The following GBP7 variants were observed in gnomAD, a reference collection of about 807,000 sequenced individuals.
GBP7 encodes the protein guanylate-binding protein 7.
In GBP7, 43 loss-of-function variants were observed where a neutral mutation model predicts 61.3. That is an observed-to-expected ratio of 0.70 (90% CI 0.55 to 0.91). GBP7 has a LOEUF of 0.91. Among genes scored for constraint, GBP7 ranks in the 40% least tolerant of loss-of-function variants. GBP7 has a pLI of 0.00. For missense variants in GBP7, 717 were observed against 740.5 expected, an observed-to-expected ratio of 0.97 and a Z score of 0.37; for synonymous variants, 267 against 271.0, an observed-to-expected ratio of 0.99 and a Z score of 0.14.
chr1:89,147,881 G>T, intron 7 of GBP7, 102 bp from the exon 8 acceptor site: 3 of 1,189,930 alleles, frequency 2.5e-6, no homozygotes, highest in Non-Finnish European at 3.7e-6. Flanking sequence ...CTCAGAGCAG[G>T]CTGAGTTACG....
intron 8 of GBP7, among the ~76,000 whole-genome samples, chr1:89,146,615 A>T (rs933081174): frequency 7.9e-5 from 12 of 152,172 alleles, no homozygotes; most frequent in East Asian, 3.8e-4. Context: ...ACTGATTTTT[A>T]AAAAAATGAG....
At chr1:89,170,949 A>G (rs1477024254) in intron 2 of GBP7, among the ~76,000 whole-genome samples, 2 of 152,244 alleles carry the variant, frequency 1.3e-5, no homozygotes, top group African/African-American at 4.8e-5. Flanking sequence ...CCCACCTGCA[A>G]TATGATCCTG....
At chr1:89,159,968 CCAT>C (rs1198635623) in intron 3 of GBP7, among the ~76,000 whole-genome samples, 1 of 152,184 alleles carries the variant, frequency 6.6e-6, no homozygotes, top group Non-Finnish European at 1.5e-5. Flanking sequence ...ACCCAAATGT[CCAT>C]CAACGATAGA....
At chr1:89,143,450 T>G (rs1307549582) in intron 8 of GBP7, among the ~76,000 whole-genome samples, 1 of 152,236 alleles carries the variant, frequency 6.6e-6, no homozygotes, top group African/African-American at 2.4e-5. Context: ...TAAAATAGTT[T>G]TTTGGACACT....
intron 8 of GBP7, among the ~76,000 whole-genome samples, chr1:89,141,854 C>T (rs1681960840): frequency 6.6e-6 from 1 of 152,198 alleles, no homozygotes; most frequent in Non-Finnish European, 1.5e-5. Flanking sequence ...TAGCAGCCTC[C>T]CTCCTGCCTG....
In GBP7 at chr1:89,155,291, C is replaced by T. The variant is rs190884418; in HGVS notation, c.319-2514G>A. 1.8e-3 allele frequency among the ~76,000 whole-genome samples: 272 copies of T among 152,196 alleles called. 1 individual carries two copies. The highest frequency in any genetic ancestry group is 6.8e-3 in the Middle Eastern group (2 of 294). On this transcript the variant is annotated intron_variant, in intron 3 of 10. Transcript: ENST00000294671. Reference sequence around the variant, plus strand: ...CTGAAAATTCTAAAAATCAGAGCACCCCTTCTCCTCCAAAGGAATGCAGCT... The same window carrying T: ...CTGAAAATTCTAAAAATCAGAGCACTCCTTCTCCTCCAAAGGAATGCAGCT...
chr1:89,172,260 G>T (rs1443497427), intron 1 of GBP7, among the ~76,000 whole-genome samples: 2 of 151,944 alleles, frequency 1.3e-5, no homozygotes, highest in South Asian at 4.2e-4. Flanking sequence ...CAGGGTTTTA[G>T]CATCAATACA....
chr1:89,144,730 T>G (rs115748457), intron 8 of GBP7, among the ~76,000 whole-genome samples: 2,764 of 152,152 alleles, frequency 0.018, 78 homozygotes, highest in African/African-American at 0.061. Context: ...TATCTTTTTT[T>G]TGTGTGTGTG....
chr1:89,175,201 C>T, intron 1 of GBP7, among the ~76,000 whole-genome samples: 1 of 152,048 alleles, frequency 6.6e-6, no homozygotes, highest in East Asian at 1.9e-4. Flanking sequence ...TGGTTTGTTT[C>T]CACTATAGAG....
At chr1:89,150,173 C>T (rs529730808) in intron 6 of GBP7, among the ~76,000 whole-genome samples, 157 bp downstream of exon 6, 3 of 152,290 alleles carry the variant, frequency 2.0e-5, no homozygotes, top group South Asian at 4.1e-4. Context: ...CACAATACAG[C>T]TTTTATACCC....
At chr1:89,139,074 A>G (rs1431467651) in intron 9 of GBP7, among the ~76,000 whole-genome samples, 1 of 152,210 alleles carries the variant, frequency 6.6e-6, no homozygotes, top group Non-Finnish European at 1.5e-5. Context: ...GCATATGAAA[A>G]AATGCTCAAC....
chr1:89,157,533 G>A (rs900933661), intron 3 of GBP7, among the ~76,000 whole-genome samples: 20 of 152,104 alleles, frequency 1.3e-4, no homozygotes, highest in Admixed American at 8.5e-4. Flanking sequence ...TATCACCGCC[G>A]ATCCCACAGA....
rs1032133352 is a variant in GBP7 at position 89,147,685 on chromosome 1, A to T, written c.1247T>A (p.Leu416His). 12 of 1,614,050 alleles carry T rather than the reference A, an allele frequency of 7.4e-6. No homozygotes were observed. The Admixed American group carries it at 2.0e-4, about 27-fold the overall frequency. Residue 416 changes from leucine (L) to histidine (H), a missense_variant, in exon 8 of 11, where the codon CTC becomes CAC. Leu to His is a moderately conservative substitution (Grantham distance 99). Coordinates refer to ENST00000294671, the MANE Select transcript of GBP7 (RefSeq NM_207398.3). ...CQAELKRLSE[L>H]LTESISRGTF... is the part of the protein sequence containing the mutation. ...TCCTCTTGAAATACTTTCTGTCAAG[A>T]GCTCTGAAAGCCGCTTAAGCTCAGC... is the stretch of plus-strand genomic sequence containing the variant.
chr1:89,164,984 A>C (rs1457821463), intron 2 of GBP7, 126 bp from the exon 3 acceptor site: 1 of 851,618 alleles, frequency 1.2e-6, no homozygotes, highest in Non-Finnish European at 1.8e-6. Context: ...CATTTCAGCA[A>C]AGACAATCAA....
At chr1:89,168,620 G>A (rs1647506424) in intron 2 of GBP7, among the ~76,000 whole-genome samples, 1 of 151,814 alleles carries the variant, frequency 6.6e-6, no homozygotes, top group Admixed American at 6.6e-5. Flanking sequence ...TTTTTAAAAG[G>A]AAGACAAATA....
chr1:89,147,675 TTC>T lies in GBP7; in HGVS notation c.1255_1256del (p.Glu419LysfsTer24). The part of the protein sequence containing the change: ...ELKRLSELLT[E>X]SISRGTFFVP... ...CAAAGAAAGTTCCTCTTGAAATACT[TTC>T]TGTCAAGAGCTCTGAAAGCCGCTTA... is the stretch of plus-strand genomic sequence containing the variant. On this transcript the variant is annotated frameshift_variant, in exon 8 of 11. Transcript: ENST00000294671. LOFTEE classifies it high-confidence loss of function. 1 of 1,614,172 alleles carries T rather than the reference TTC, an allele frequency of 6.2e-7. No individual in the cohort carries two copies. Among genetic ancestry groups the T allele is most frequent in the Non-Finnish European group, 8.5e-7 (1 of 1,179,994 alleles).
rs552571062 is a variant in GBP7 at position 89,151,213 on chromosome 1, C to T, written c.626-638G>A. 2.0e-5 allele frequency among the ~76,000 whole-genome samples: 3 copies of T among 152,298 alleles called. No homozygotes were observed. In the South Asian group the frequency reaches 6.2e-4, roughly 32 times the overall value. ...TCACCCACATGTCCTCATTTCCTCCCTCACCATGCCCTGGTAACCACTGTT... is the reference window on the plus strand; with the variant it reads ...TCACCCACATGTCCTCATTTCCTCCTTCACCATGCCCTGGTAACCACTGTT... On this transcript the variant is annotated intron_variant, in intron 5 of 10. Coordinates refer to ENST00000294671, the MANE Select transcript of GBP7 (RefSeq NM_207398.3).
chr1:89,153,343 G>A (rs1682246653), intron 3 of GBP7, among the ~76,000 whole-genome samples: 1 of 152,126 alleles, frequency 6.6e-6, no homozygotes, highest in Admixed American at 6.6e-5. Flanking sequence ...TCATGTTAAA[G>A]TCAAGCTGTA....
intron 8 of GBP7, 54 bp downstream of exon 8, chr1:89,147,513 G>GA: frequency 1.4e-6 from 2 of 1,407,872 alleles, no homozygotes; most frequent in Non-Finnish European, 2.0e-6. Context: ...AAGAGGCAAC[G>GA]AAGACCCTCT....
Sources: gnomAD v4.1 joint callset for allele counts (sites outside exome capture counted in the v4.1 genomes callset) on GRCh38, gnomAD v4.1.1 for gene constraint, MANE v1.5 for transcripts, NCBI Gene and HGNC (gene_info 2026-07-23, HGNC 2026-07-21) for gene names.